Variants in DDHD2 observed in about 807,000 individuals in gnomAD.
DDHD2 encodes triacylglycerol hydrolase DDHD2.
A neutral mutation model predicts 91.2 loss-of-function variants in DDHD2; 62 were observed. The ratio of observed to expected loss-of-function variants is 0.68; its 90% CI spans 0.55 to 0.84. The LOEUF is 0.84. Among genes scored for constraint, DDHD2 ranks in the 40% least tolerant of loss-of-function variants. The probability of loss-of-function intolerance (pLI) is 0.00; values close to 1 mark genes in which losing one functional copy is unlikely to be tolerated. For missense variants in DDHD2, 740 were observed against 846.9 expected (o/e 0.87, Z 1.57); for synonymous variants, 271 against 293.9 (o/e 0.92, Z 0.80).
chr8:38,258,204 C>T lies in DDHD2; in HGVS notation c.2055-1836C>T, dbSNP rs796380063. On this transcript the variant is annotated intron_variant, in intron 16 of 17. Transcript: ENST00000397166. ...TCAGATTCAGGTCCTTTTTTCCCCA[C>T]GTCTCAACACTATTAATAGATTTGA... Among the ~76,000 whole-genome samples the T allele has an allele frequency of 1.3e-4, 20 of 151,810 alleles. 1 individual carries two copies. Among genetic ancestry groups the T allele is most frequent in the African/African-American group, 3.9e-4 (16 of 41,428 alleles).
chr8:38,249,750 T>C lies in DDHD2; in HGVS notation c.1291T>C (p.Leu431=). The C allele has an allele frequency of 6.2e-7, 1 of 1,612,284 alleles. No homozygotes were observed. Among genetic ancestry groups the C allele is most frequent in the Non-Finnish European group, 8.5e-7 (1 of 1,178,784 alleles). Residue 431 remains leucine (L), a synonymous_variant, in exon 11 of 18, where the codon TTA becomes CTA. Transcript: ENST00000397166. ...DRDLQEIGIP[L]GPRKKILNYF... The stretch of plus-strand genomic sequence containing the variant: ...AGATCTTCAGGAAATAGGAATTCCT[T>C]TAGGACCAAGAAAGAAGATATTAAA...
At chr8:38,233,356 C>T in intron 2 of DDHD2, 142 bp downstream of exon 2, 1 of 616,460 alleles carries the variant, frequency 1.6e-6, no homozygotes, top group Non-Finnish European at 2.8e-6. Flanking sequence ...TTATATAGAA[C>T]TTCTGCACTA....
At chr8:38,238,308 A>C (rs1345214355) in intron 5 of DDHD2, 99 bp downstream of exon 5, 4 of 1,543,408 alleles carry the variant, frequency 2.6e-6, no homozygotes, top group Non-Finnish European at 3.5e-6. Flanking sequence ...CAAGGCTTAA[A>C]AATCATCTTT....
chr8:38,255,722 G>A (rs548713849), intron 16 of DDHD2, among the ~76,000 whole-genome samples: 8 of 150,694 alleles, frequency 5.3e-5, no homozygotes, highest in Middle Eastern at 6.8e-3. Flanking sequence ...ATAGTCTTCC[G>A]TTATGTAAAT....
intron 13 of DDHD2, 74 bp from the exon 14 acceptor site, chr8:38,252,641 CAAAAAAA>C: frequency 1.4e-6 from 1 of 724,060 alleles, no homozygotes; most frequent in Non-Finnish European, 2.0e-6. Context: ...GACCTCATCT[CAAAAAAA>C]AAAAAAAAAA....
At chr8:38,266,992 G>C (rs989312308), downstream of DDHD2, 1 of 1,305,144 alleles carries the variant, frequency 7.7e-7, no homozygotes, top group Admixed American at 3.2e-5. Context: ...TTCGTTAAAG[G>C]TATTTTTATT....
intron 7 of DDHD2, among the ~76,000 whole-genome samples, chr8:38,244,763 AC>A (rs1238907777): frequency 7.0e-6 from 1 of 142,838 alleles, no homozygotes; most frequent in Non-Finnish European, 1.5e-5. Context: ...ACGGGGTTTC[AC>A]TCTGTTGGAC....
rs571076828 is a variant in DDHD2, at chr8:38,268,120, C to T, written n.88-3002C>T. The T allele has an allele frequency of 2.8e-6, 4 of 1,449,016 alleles. No individual in the cohort carries two copies. In the East Asian group the frequency reaches 7.5e-5, roughly 27 times the overall value. The allele number at this position is 1,449,016 out of a possible 1,614,324, so 89.8% of individuals were successfully genotyped here. On this transcript the variant is annotated intron_variant and non_coding_transcript_variant, in intron 1 of 1. Transcript: ENST00000526071. ...TCCTCAGTGATCACTCTTTTGTAGC[C>T]GAGAACTTTTGTACTAGGCCAAAGA... is the stretch of plus-strand genomic sequence containing the variant.
chr8:38,267,834 C>T (rs1029394338), downstream of DDHD2: 10 of 1,480,642 alleles, frequency 6.8e-6, no homozygotes, highest in Non-Finnish European at 9.4e-6. Flanking sequence ...ACACCATTAA[C>T]CTCTCTGTTC....
At chr8:38,267,826 A>C, downstream of DDHD2, 1 of 1,420,260 alleles carries the variant, frequency 7.0e-7, no homozygotes, top group Non-Finnish European at 9.9e-7. Context: ...TGTGGTGGAC[A>C]CCATTAACCT....
chr8:38,252,923 A>G lies in DDHD2; in HGVS notation c.1721-34A>G, dbSNP rs577017241. ...CTATGTTGGACCCTAAGCTCTTTGTAAATCATTTAATGTTCTTTATTTATA... is the reference window on the plus strand; with the variant it reads ...CTATGTTGGACCCTAAGCTCTTTGTGAATCATTTAATGTTCTTTATTTATA... On this transcript the variant is annotated intron_variant, in intron 14 of 17. Coordinates refer to ENST00000397166, the MANE Select transcript of DDHD2 (RefSeq NM_015214.3). 4 of 1,612,110 alleles carry G rather than the reference A, an allele frequency of 2.5e-6. No homozygotes were observed. In the East Asian group the frequency reaches 8.9e-5, roughly 36 times the overall value.
chr8:38,234,063 G>T (rs1414870295), intron 2 of DDHD2, among the ~76,000 whole-genome samples: 1 of 151,984 alleles, frequency 6.6e-6, no homozygotes, highest in Non-Finnish European at 1.5e-5. Flanking sequence ...TCATCATGAT[G>T]GTTATTAATT....
Position 38,238,073 on chromosome 8 carries a change from A to G in DDHD2, c.502-16A>G. 1 of 1,594,672 alleles carries G rather than the reference A, an allele frequency of 6.3e-7. No individual in the cohort carries two copies. The highest frequency in any genetic ancestry group is 8.5e-7 in the Non-Finnish European group (1 of 1,173,814). On this transcript the variant is annotated splice_polypyrimidine_tract_variant and intron_variant, in intron 4 of 17. Coordinates refer to ENST00000397166, the MANE Select transcript of DDHD2 (RefSeq NM_015214.3). ...ATTGCAGAATATTTTTATTGCTCTGATCTGTTCTGTTTAAGCTTATGGTGC... is the reference window on the plus strand; with the variant it reads ...ATTGCAGAATATTTTTATTGCTCTGGTCTGTTCTGTTTAAGCTTATGGTGC...
intron 10 of DDHD2, among the ~76,000 whole-genome samples, chr8:38,248,427 A>G (rs1483477869): frequency 6.9e-6 from 1 of 145,582 alleles, no homozygotes; most frequent in Non-Finnish European, 1.5e-5. Context: ...TGATACATTC[A>G]CTCATTTAAC....
downstream of DDHD2, chr8:38,267,043 A>T (rs578213624): frequency 9.9e-6 from 14 of 1,416,704 alleles, 1 homozygote; most frequent in South Asian, 2.2e-4. Context: ...TAATATAACA[A>T]TTAAATGTGC....
At chr8:38,243,380 C>T (rs1375823056) in intron 7 of DDHD2, among the ~76,000 whole-genome samples, 1 of 152,092 alleles carries the variant, frequency 6.6e-6, no homozygotes, top group East Asian at 1.9e-4. Context: ...ATCGTTTGAC[C>T]TGTAATTAAA....
At chr8:38,240,500 T>C in intron 6 of DDHD2, 136 bp downstream of exon 6, 3 of 523,712 alleles carry the variant, frequency 5.7e-6, no homozygotes, top group Non-Finnish European at 9.9e-6. Flanking sequence ...TAGTAAAGCT[T>C]CTCAGCTTAG....
intron 1 of DDHD2, chr8:38,268,625 C>G: frequency 6.9e-7 from 1 of 1,439,358 alleles, no homozygotes; most frequent in South Asian, 1.5e-5. Context: ...CAGCAGCGCC[C>G]GTGCGGCTCG....
At chr8:38,234,685 G>T in intron 3 of DDHD2, 101 bp downstream of exon 3, 2 of 968,220 alleles carry the variant, frequency 2.1e-6, no homozygotes, top group Non-Finnish European at 1.5e-6. Context: ...GAAAGACTTT[G>T]GTTCTGTCTG....
Sources: allele counts gnomAD v4.1 joint callset (sites outside exome capture counted in the v4.1 genomes callset), GRCh38; gene constraint gnomAD v4.1.1; transcripts MANE v1.5; gene names NCBI Gene and HGNC (gene_info 2026-07-23, HGNC 2026-07-21).